The following SLC23A2 variants were observed in gnomAD, a reference collection of about 807,000 sequenced individuals.
The protein encoded by SLC23A2 is Na(+)/L-ascorbic acid transporter 2.
Under a neutral mutation model 73.3 loss-of-function variants are expected in SLC23A2, and 36 were observed. The observed-to-expected ratio is 0.49, with a 90% CI of 0.38 to 0.65. The LOEUF (loss-of-function observed/expected upper bound fraction) is 0.65. SLC23A2 is among the 30% of genes least tolerant of loss of function. The pLI is 0.00. For synonymous variants in SLC23A2, 343 were observed against 327.3 expected (o/e 1.05, Z -0.52); for missense variants, 507 against 841.6 (o/e 0.60, Z 4.92).
intron 1 of SLC23A2, among the ~76,000 whole-genome samples, chr20:4,988,864 T>C (rs935851004): frequency 6.6e-6 from 1 of 151,528 alleles, no homozygotes; most frequent in South Asian, 2.1e-4. Context: ...TGAGCCAAGA[T>C]TGCGCCATTG....
chr20:5,006,893 C>T (rs935709090), intron 1 of SLC23A2, among the ~76,000 whole-genome samples: 17 of 152,032 alleles, frequency 1.1e-4, no homozygotes, highest in Admixed American at 7.2e-4. Context: ...CTGTCTCATA[C>T]TAAGACATAA....
intron 6 of SLC23A2, among the ~76,000 whole-genome samples, chr20:4,894,266 G>A (rs1464453341): frequency 6.6e-6 from 1 of 152,156 alleles, no homozygotes; most frequent in Non-Finnish European, 1.5e-5. Context: ...GAGAGGGAGA[G>A]GGAATGCCAT....
Position 4,861,977 on chromosome 20 carries a change from C to A in SLC23A2, c.1595G>T (p.Ser532Ile). 6.2e-7 allele frequency: 1 copy of A among 1,614,186 alleles called. No individual in the cohort carries two copies. Among genetic ancestry groups the A allele is most frequent in the Non-Finnish European group, 8.5e-7 (1 of 1,180,032 alleles). The change falls in exon 15 of 17, where the codon AGT (serine) becomes ATT (isoleucine). Residue 532 changes from serine to isoleucine, a missense_variant. By Grantham distance (142) the Ser-to-Ile change is moderately radical. Around this residue, in one of 5 missense-constraint regions of SLC23A2, gnomAD observed 168 missense variants for 302.3 expected, o/e 0.56. Transcript: ENST00000338244. Reference sequence around the variant, plus strand: ...GACCAGAGGGTTCTGTCTGAGGTAACTTGGAAGGACGAGCCCAAAGAAGAT... The same window carrying A: ...GACCAGAGGGTTCTGTCTGAGGTAAATTGGAAGGACGAGCCCAAAGAAGAT... Reference protein sequence around the residue: ...FSIFFGLVLPSYLRQNPLVTG... With the variant: ...FSIFFGLVLPIYLRQNPLVTG...
intron 5 of SLC23A2, among the ~76,000 whole-genome samples, chr20:4,901,594 T>C (rs1037763135): frequency 1.3e-5 from 2 of 152,170 alleles, no homozygotes; most frequent in African/African-American, 2.4e-5. Flanking sequence ...CCATCAGCTA[T>C]GTCACCACCC....
In SLC23A2 at chr20:4,941,709, A is replaced by G. The variant is rs537304833; in HGVS notation, c.-154-8993T>C. On this transcript the variant is annotated intron_variant, in intron 2 of 16. Coordinates refer to ENST00000338244, the MANE Select transcript of SLC23A2 (RefSeq NM_005116.6). The stretch of plus-strand genomic sequence containing the variant: ...AGGGTGAGACTCTGTCTCGAGGAAA[A>G]AAAAAAAAAAGTTGTTAATAAGGTA... Among the ~76,000 whole-genome samples the G allele has an allele frequency of 3.7e-3, 566 of 152,194 alleles. 4 individuals are homozygous for G. Among genetic ancestry groups the G allele is most frequent in the African/African-American group, 0.013 (544 of 41,520 alleles).
chr20:4,853,789 C>T lies in SLC23A2; in HGVS notation c.*3183G>A, dbSNP rs918280928. 1.3e-5 allele frequency: 2 copies of T among 152,408 alleles called. No homozygotes were observed. Among genetic ancestry groups the T allele is most frequent in the Admixed American group, 1.3e-4 (2 of 15,282 alleles). The allele number at this position is 152,408 out of a possible 1,614,324, so 9.4% of individuals were successfully genotyped here. ...CTGGCTGGCATGGTTAAAGCCACTT[C>T]TCTTGCCTTGATCAATCCCAAGAAA... On this transcript the variant is annotated 3_prime_UTR_variant, in exon 17 of 17. Coordinates refer to ENST00000338244, the MANE Select transcript of SLC23A2 (RefSeq NM_005116.6).
Position 4,862,107 on chromosome 20 carries a change from C to G in SLC23A2, c.1487-22G>C. On this transcript the variant is annotated intron_variant, in intron 14 of 16. Coordinates refer to ENST00000338244, the MANE Select transcript of SLC23A2 (RefSeq NM_005116.6). This position sits in a 1 kb window ranked among gnomAD's most constrained non-coding sequence, Gnocchi z 5.1. ...ATTCCTGGAGAAAAACAAACCAGAC[C>G]ACAAGCTCCAGCACCACTACAGCGG... The G allele has an allele frequency of 6.2e-7, 1 of 1,613,236 alleles. No homozygotes were observed. Among genetic ancestry groups the G allele is most frequent in the Non-Finnish European group, 8.5e-7 (1 of 1,179,498 alleles).
At chr20:4,982,116 T>A (rs1481693452) in intron 1 of SLC23A2, among the ~76,000 whole-genome samples, 1 of 152,042 alleles carries the variant, frequency 6.6e-6, no homozygotes, top group East Asian at 1.9e-4. Context: ...TGTCTCAGAC[T>A]CCCCAGTAGC....
chr20:4,889,066 A>G (rs1436816805), intron 6 of SLC23A2, among the ~76,000 whole-genome samples: 1 of 152,240 alleles, frequency 6.6e-6, no homozygotes, highest in Non-Finnish European at 1.5e-5. Flanking sequence ...ATAAGCAGAT[A>G]CGACGATGGA....
intron 3 of SLC23A2, among the ~76,000 whole-genome samples, chr20:4,914,274 T>A (rs1050531133): frequency 6.6e-6 from 1 of 151,314 alleles, no homozygotes; most frequent in Non-Finnish European, 1.5e-5. Flanking sequence ...GGAAAAAGGA[T>A]GGAAAGGAAA....
intron 2 of SLC23A2, among the ~76,000 whole-genome samples, chr20:4,965,513 T>C (rs1370649059): frequency 6.6e-6 from 1 of 152,268 alleles, no homozygotes; most frequent in Non-Finnish European, 1.5e-5. Context: ...GGCTCACATT[T>C]GTAATCCCAG....
chr20:4,987,894 C>A (rs1234149495), intron 1 of SLC23A2, among the ~76,000 whole-genome samples: 2 of 151,236 alleles, frequency 1.3e-5, no homozygotes, highest in Admixed American at 1.3e-4. Context: ...TAGGACACTT[C>A]TTGAATACCA....
At chr20:4,946,532 A>T (rs996093949) in intron 2 of SLC23A2, among the ~76,000 whole-genome samples, 4 of 152,232 alleles carry the variant, frequency 2.6e-5, no homozygotes, top group Admixed American at 6.5e-5. Context: ...AGTAAAATGC[A>T]CAACTGACAG....
upstream of SLC23A2, among the ~76,000 whole-genome samples, chr20:5,005,323 T>C (rs1211588892): frequency 6.6e-6 from 1 of 152,198 alleles, no homozygotes; most frequent in Non-Finnish European, 1.5e-5. Context: ...ATACATCAAA[T>C]TTTTCCTCTT....
chr20:4,965,874 G>A (rs1472456556), intron 2 of SLC23A2, among the ~76,000 whole-genome samples: 1 of 151,692 alleles, frequency 6.6e-6, no homozygotes, highest in African/African-American at 2.4e-5. Flanking sequence ...GGCTGGGGCA[G>A]GAGAATTGCT....
In SLC23A2 at chr20:4,879,408, C is replaced by CAAAAAAAAA. The variant is rs111565515; in HGVS notation, c.824+4225_824+4233dup. On this transcript the variant is annotated intron_variant, in intron 9 of 16. Coordinates refer to ENST00000338244, the MANE Select transcript of SLC23A2 (RefSeq NM_005116.6). ...GGGCAACCAGAGTAAAACTCTGTCT[C>CAAAAAAAAA]AAAAAAAAAAAAAAAAAAAAAAAAA... 1.6e-4 allele frequency among the ~76,000 whole-genome samples: 7 copies of CAAAAAAAAA among 43,004 alleles called. 1 individual carries two copies. The highest frequency in any genetic ancestry group is 3.6e-4 in the African/African-American group (4 of 11,158). The allele number at this position is 43,004 out of a possible 152,430, so 28.2% of individuals were successfully genotyped here. A position where few individuals can be genotyped will look rare whatever the true frequency, so the allele number is the denominator to read the frequency against.
intron 2 of SLC23A2, among the ~76,000 whole-genome samples, chr20:4,937,675 T>G (rs1362531714): frequency 6.6e-6 from 1 of 152,198 alleles, no homozygotes; most frequent in Non-Finnish European, 1.5e-5. Flanking sequence ...GATTCAAACT[T>G]GAATCAGTAA....
chr20:4,897,714 AG>A (rs1187592557), intron 6 of SLC23A2, among the ~76,000 whole-genome samples: 1 of 152,080 alleles, frequency 6.6e-6, no homozygotes, highest in African/African-American at 2.4e-5. Flanking sequence ...AAGTTCCCCC[AG>A]GCCCTCCCTT....
intron 2 of SLC23A2, among the ~76,000 whole-genome samples, chr20:4,968,606 A>G (rs564246726): frequency 6.6e-6 from 1 of 152,370 alleles, no homozygotes; most frequent in East Asian, 1.9e-4. Flanking sequence ...GTGATTTCAA[A>G]GAAAGACCTG....
Sources: allele counts gnomAD v4.1 joint callset (sites outside exome capture counted in the v4.1 genomes callset), GRCh38; gene constraint gnomAD v4.1.1; regional missense constraint gnomAD v4.1.1; non-coding constraint Gnocchi (gnomAD v3.1); transcripts MANE v1.5; gene names NCBI Gene and HGNC (gene_info 2026-07-23, HGNC 2026-07-21).